The following ABR variants were observed in gnomAD, a reference collection of about 807,000 sequenced individuals.
ABR encodes the protein ABR activator of RhoGEF and GTPase, also known as active breakpoint cluster region-related protein.
ABR carries 35 observed loss-of-function variants against 107.2 expected under a neutral mutation model. That is an observed-to-expected ratio of 0.33 (90% CI 0.25 to 0.43). ABR has a LOEUF of 0.43. Ranked by LOEUF, ABR falls within the 20% of genes least tolerant of loss-of-function variation. The pLI is 1.00. For missense variants in ABR, 815 were observed against 1,115.2 expected, an observed-to-expected ratio of 0.73 and a Z score of 3.83; for synonymous variants, 498 against 462.0, an observed-to-expected ratio of 1.08 and a Z score of -1.00.
intron 1 of ABR, among the ~76,000 whole-genome samples, chr17:1,198,746 C>T (rs570596761): frequency 2.7e-5 from 4 of 150,758 alleles, no homozygotes; most frequent in Non-Finnish European, 5.9e-5. Context: ...CGCCATTCTC[C>T]TGCCTCAGCC....
chr17:1,070,169 CA>C lies in ABR; in HGVS notation c.895-80del. On this transcript the variant is annotated intron_variant, in intron 8 of 22. Coordinates refer to ENST00000302538, the MANE Select transcript of ABR (RefSeq NM_021962.5). The surrounding 1 kb of genome is among the most constrained non-coding windows in gnomAD (Gnocchi z 4.2). ...CAGAGCCTGCACACGGGGGCACGGC[CA>C]GCCAGGGAGGACTGGACCGAGAGGC... The C allele has an allele frequency of 6.3e-7, 1 of 1,578,038 alleles. No individual in the cohort carries two copies. The highest frequency in any genetic ancestry group is 8.6e-7 in the Non-Finnish European group (1 of 1,157,964).
At chr17:1,099,299 T>C (rs2037712586) in intron 3 of ABR, among the ~76,000 whole-genome samples, 1 of 152,054 alleles carries the variant, frequency 6.6e-6, no homozygotes, top group Admixed American at 6.6e-5. Flanking sequence ...GGTCTCGAAC[T>C]CCTGTCCTCA....
chr17:1,041,925 G>A (rs1035146565), intron 16 of ABR, among the ~76,000 whole-genome samples: 20 of 152,142 alleles, frequency 1.3e-4, no homozygotes, highest in East Asian at 5.8e-4. Flanking sequence ...TTGGCCGGGA[G>A]GGGGAGAGAA....
At chr17:1,103,710 A>C (rs529784417) in intron 2 of ABR, among the ~76,000 whole-genome samples, 1 of 152,196 alleles carries the variant, frequency 6.6e-6, no homozygotes, top group Non-Finnish European at 1.5e-5. Flanking sequence ...AAGAGGCAAC[A>C]GTCAGCCCCA....
chr17:1,149,052 C>CTT (rs2040683291), intron 1 of ABR, among the ~76,000 whole-genome samples: 1 of 146,166 alleles, frequency 6.8e-6, no homozygotes, highest in Non-Finnish European at 1.5e-5. Context: ...CAGGTGCCTG[C>CTT]CACCATGCCT....
intron 10 of ABR, among the ~76,000 whole-genome samples, chr17:1,062,255 C>G (rs1597617623): frequency 6.6e-6 from 1 of 151,370 alleles, no homozygotes; most frequent in South Asian, 2.1e-4. Context: ...GAACTGAGGG[C>G]TATGCATGTT....
At position 1,073,675 on chromosome 17, in the gene ABR, G is replaced by A. The variant is rs568124284; in HGVS notation, c.703C>T (p.Leu235=). 137 of 1,605,284 alleles carry A rather than the reference G, an allele frequency of 8.5e-5. No individual in the cohort carries two copies. In the South Asian group the frequency reaches 1.4e-3, roughly 17 times the overall value. The part of the protein sequence containing the change: ...DSHTSVTMEA[L]LYKPIDRVTR... The stretch of plus-strand genomic sequence containing the variant: ...ACCCGGTCAATGGGCTTGTAGAGCA[G>A]AGCTGTCGGGGGAGACAGGGAGAAG... The change falls in exon 7 of 23, where the codon CTG becomes TTG. Residue 235 remains leucine (L), a splice_region_variant and synonymous_variant. Transcript: ENST00000302538.
At position 1,174,001 on chromosome 17, in the gene ABR, G is replaced by A. The variant is rs142819142; in HGVS notation, c.61+5666C>T. Reference sequence around the variant, plus strand: ...GAGAGCCATCATGCCCTCCCTCTACGAAGGAAGGTACCGGAATTGTCCCAG... The same window carrying A: ...GAGAGCCATCATGCCCTCCCTCTACAAAGGAAGGTACCGGAATTGTCCCAG... On this transcript the variant is annotated intron_variant, in intron 1 of 22. Coordinates refer to ENST00000302538, the MANE Select transcript of ABR (RefSeq NM_021962.5). Among the ~76,000 whole-genome samples, 523 of 152,256 alleles carry A rather than the reference G, an allele frequency of 3.4e-3. 1 individual carries two copies. Among genetic ancestry groups the A allele is most frequent in the Middle Eastern group, 0.01 (3 of 294 alleles).
intron 11 of ABR, among the ~76,000 whole-genome samples, 166 bp from the exon 12 acceptor site, chr17:1,058,211 C>T (rs1232197252): frequency 1.4e-5 from 2 of 146,946 alleles, no homozygotes; most frequent in African/African-American, 5.0e-5. Context: ...AAAATCTCGG[C>T]TCACTGCAAC....
intron 1 of ABR, among the ~76,000 whole-genome samples, chr17:1,137,657 A>C (rs2040132085): frequency 6.6e-6 from 1 of 152,234 alleles, no homozygotes; most frequent in Non-Finnish European, 1.5e-5. Flanking sequence ...GAGAACCACC[A>C]ACACGTAACA....
intron 12 of ABR, 23 bp downstream of exon 12, chr17:1,057,947 G>A: frequency 6.2e-7 from 1 of 1,600,304 alleles, no homozygotes; most frequent in Non-Finnish European, 8.6e-7. Context: ...TCATTGGGGA[G>A]CGTGGAAGAG....
chr17:1,023,638 C>T (rs1432813589), intron 16 of ABR, among the ~76,000 whole-genome samples: 2 of 152,206 alleles, frequency 1.3e-5, no homozygotes, highest in Non-Finnish European at 2.9e-5. Context: ...TGGTCCTGAC[C>T]AGGAAGCTTC....
chr17:1,084,811 TTTTG>T lies in ABR; in HGVS notation c.532-1188_532-1185del, dbSNP rs2036484161. ...ATATGGGGAAATTTAAACTCCCTGTTTTTGTTTTTGTTTTGAGATGGAGTTTCGC... is the reference window on the plus strand; with the variant it reads ...ATATGGGGAAATTTAAACTCCCTGTTTTTTTGTTTTGAGATGGAGTTTCGC... On this transcript the variant is annotated intron_variant, in intron 4 of 22. Transcript: ENST00000302538. This position sits in a 1 kb window ranked among gnomAD's most constrained non-coding sequence, Gnocchi z 4.2. Among the ~76,000 whole-genome samples, 1 of 152,154 alleles carries T rather than the reference TTTTG, an allele frequency of 6.6e-6. No individual in the cohort carries two copies. The highest frequency in any genetic ancestry group is 1.5e-5 in the Non-Finnish European group (1 of 68,022).
intron 1 of ABR, among the ~76,000 whole-genome samples, chr17:1,166,168 A>C (rs998016996): frequency 6.6e-6 from 1 of 152,072 alleles, no homozygotes. Context: ...TTTTTACTCA[A>C]AGGTGGTAGG....
At chr17:1,031,911 CCCT>C in intron 16 of ABR, 2 of 709,534 alleles carry the variant, frequency 2.8e-6, no homozygotes, top group Non-Finnish European at 3.6e-6. Context: ...CGTCCCTCCT[CCCT>C]CCTCCCTCCT....
intron 2 of ABR, among the ~76,000 whole-genome samples, chr17:1,102,208 C>T (rs934329365): frequency 3.3e-5 from 5 of 152,156 alleles, no homozygotes; most frequent in African/African-American, 1.2e-4. Flanking sequence ...GCCTCCTCAT[C>T]TTCAAAGGTC....
intron 1 of ABR, among the ~76,000 whole-genome samples, chr17:1,165,336 C>T (rs941663802): frequency 3.9e-5 from 6 of 152,204 alleles, no homozygotes; most frequent in East Asian, 1.9e-4. Flanking sequence ...GGGAAGACCT[C>T]CTGCGGGTGG....
intron 1 of ABR, among the ~76,000 whole-genome samples, chr17:1,160,109 G>A (rs557605055): frequency 1.4e-4 from 21 of 152,244 alleles, no homozygotes; most frequent in African/African-American, 4.6e-4. Flanking sequence ...ACCAATAGGA[G>A]CAGAGCCCTG....
At chr17:1,088,765 T>G (rs998196707) in intron 4 of ABR, among the ~76,000 whole-genome samples, 4 of 151,926 alleles carry the variant, frequency 2.6e-5, no homozygotes, top group Non-Finnish European at 5.9e-5. Flanking sequence ...ATTTTTGTAT[T>G]TTTAGTAGAA....
Sources: allele counts gnomAD v4.1 joint callset (sites outside exome capture counted in the v4.1 genomes callset), GRCh38; gene constraint gnomAD v4.1.1; non-coding constraint Gnocchi (gnomAD v3.1); transcripts MANE v1.5; gene names NCBI Gene and HGNC (gene_info 2026-07-23, HGNC 2026-07-21).